Variants in DLG2 observed in about 807,000 individuals in gnomAD.
The protein encoded by DLG2 is discs large MAGUK scaffold protein 2, also known as disks large homolog 2.
In DLG2, 45 loss-of-function variants were observed where a neutral mutation model predicts 132.5. That is an observed-to-expected ratio of 0.34 (90% CI 0.27 to 0.44). The LOEUF is 0.44. Among genes scored for constraint, DLG2 ranks in the 20% least tolerant of loss-of-function variants. DLG2 has a pLI of 1.00. For synonymous variants in DLG2, 424 were observed against 419.6 expected (o/e 1.01, Z -0.13); for missense variants, 1,045 against 1,196.9 (o/e 0.87, Z 1.87).
chr11:84,223,701 C>T (rs575555483), intron 8 of DLG2, among the ~76,000 whole-genome samples: 2 of 152,120 alleles, frequency 1.3e-5, no homozygotes, highest in South Asian at 2.1e-4. Context: ...GGACTACAGG[C>T]GCATGTCACC....
chr11:85,231,478 C>A (rs888959495), intron 4 of DLG2, among the ~76,000 whole-genome samples: 1 of 151,946 alleles, frequency 6.6e-6, no homozygotes, highest in African/African-American at 2.4e-5. Flanking sequence ...TTTTCCTTTA[C>A]ATTATTAAAC....
rs2099212857 is a variant in DLG2, at chr11:84,502,222, CCTTCCTTCCTTCCTTCCTTCCTTCCT to C, written c.519+32322_519+32347del. Among the ~76,000 whole-genome samples the C allele has an allele frequency of 3.1e-4, 4 of 12,816 alleles. 1 individual carries two copies. The highest frequency in any genetic ancestry group is 5.7e-4 in the Non-Finnish European group (4 of 7,032). 8.4% of individuals were successfully genotyped at this position (12,816 alleles called of 152,430 possible). ...TCTCTCCTTCCTTCCTTCCTTCCTT[CCTTCCTTCCTTCCTTCCTTCCTTCCT>C]TCCTTCCTTCCTTCCTTCCTTCCTT... On this transcript the variant is annotated intron_variant, in intron 7 of 27. Transcript: ENST00000376104.
intron 3 of DLG2, among the ~76,000 whole-genome samples, chr11:85,484,253 C>T (rs1397753649): frequency 1.3e-5 from 2 of 149,996 alleles, no homozygotes; most frequent in African/African-American, 4.9e-5. Flanking sequence ...GCCCCTCCTC[C>T]TCCTCCCTAG....
intron 3 of DLG2, among the ~76,000 whole-genome samples, chr11:85,457,484 C>T (rs985099975): frequency 6.6e-6 from 1 of 152,122 alleles, no homozygotes; most frequent in Admixed American, 6.6e-5. Flanking sequence ...GTCATCATAT[C>T]GTTAGCTGGT....
intron 19 of DLG2, among the ~76,000 whole-genome samples, chr11:83,553,565 A>G (rs1016345993): frequency 4.7e-5 from 7 of 149,090 alleles, no homozygotes; most frequent in Non-Finnish European, 7.4e-5. Context: ...ACATATTGTA[A>G]GTCACTTGGA....
chr11:85,549,891 A>G (rs1171797189), intron 3 of DLG2, among the ~76,000 whole-genome samples: 2 of 152,206 alleles, frequency 1.3e-5, no homozygotes, highest in Admixed American at 1.3e-4. Context: ...ACAGTCTAAA[A>G]AAGGGAGGAA....
intron 11 of DLG2, among the ~76,000 whole-genome samples, chr11:84,011,401 G>A (rs557308759): frequency 6.6e-6 from 1 of 152,172 alleles, no homozygotes; most frequent in Admixed American, 6.6e-5. Context: ...AGCCTGGGAG[G>A]TAAAAGCTGC....
intron 6 of DLG2, among the ~76,000 whole-genome samples, chr11:84,564,781 G>A (rs1416536594): frequency 6.6e-6 from 1 of 152,164 alleles, no homozygotes; most frequent in East Asian, 1.9e-4. Flanking sequence ...GTGCCTGGCT[G>A]CTGCCACCTG....
chr11:85,383,862 C>T (rs1596724247), intron 3 of DLG2, among the ~76,000 whole-genome samples: 1 of 152,128 alleles, frequency 6.6e-6, no homozygotes, highest in African/African-American at 2.4e-5. Context: ...AAGTTAGATC[C>T]TTTCTGTGCC....
In DLG2 at chr11:84,923,246, T is replaced by C. The variant is rs1013904262; in HGVS notation, c.357+188415A>G. ...CTCTGTCAGTTTGAAAATGCATTGATCTCTGTTTTCTCTGACTACAAAACG... is the reference window on the plus strand; with the variant it reads ...CTCTGTCAGTTTGAAAATGCATTGACCTCTGTTTTCTCTGACTACAAAACG... On this transcript the variant is annotated intron_variant, in intron 6 of 27. Coordinates refer to ENST00000376104, the MANE Select transcript of DLG2 (RefSeq NM_001142699.3). The C allele has an allele frequency of 2.6e-5, 39 of 1,516,638 alleles. No homozygotes were observed. In the African/African-American group the frequency reaches 5.2e-4, roughly 20 times the overall value. The allele number at this position is 1,516,638 out of a possible 1,614,324, so 93.9% of individuals were successfully genotyped here.
intron 7 of DLG2, among the ~76,000 whole-genome samples, chr11:84,307,538 T>C (rs1477974317): frequency 6.6e-6 from 1 of 151,654 alleles, no homozygotes; most frequent in Non-Finnish European, 1.5e-5. Context: ...CTACTAAAAC[T>C]ACAAAAAATT....
chr11:85,519,055 T>G (rs1249270273), intron 3 of DLG2, among the ~76,000 whole-genome samples: 3 of 151,652 alleles, frequency 2.0e-5, no homozygotes, highest in Admixed American at 6.6e-5. Flanking sequence ...AGACAGAAGT[T>G]TGCTGTGGGG....
intron 5 of DLG2, among the ~76,000 whole-genome samples, chr11:85,152,611 C>T (rs897717582): frequency 6.6e-6 from 1 of 152,190 alleles, no homozygotes; most frequent in African/African-American, 2.4e-5. Context: ...TCTAATCAGT[C>T]TCTCACTTTA....
intron 6 of DLG2, among the ~76,000 whole-genome samples, chr11:84,982,453 C>T (rs1435365668): frequency 6.6e-6 from 1 of 152,036 alleles, no homozygotes; most frequent in Non-Finnish European, 1.5e-5. Context: ...CCTTAAAACC[C>T]CATGCCCCAT....
At chr11:85,616,939 A>C (rs993191304) in intron 2 of DLG2, among the ~76,000 whole-genome samples, 2 of 152,214 alleles carry the variant, frequency 1.3e-5, no homozygotes, top group Admixed American at 1.3e-4. Context: ...ACAACAACTC[A>C]TATGTCAGAA....
chr11:84,038,973 A>G (rs897047247), intron 11 of DLG2, among the ~76,000 whole-genome samples: 1 of 152,094 alleles, frequency 6.6e-6, no homozygotes, highest in Non-Finnish European at 1.5e-5. Context: ...ATTACCTCCC[A>G]CCAGGCCCCT....
intron 15 of DLG2, among the ~76,000 whole-genome samples, chr11:83,928,887 C>G (rs2079560357): frequency 6.6e-6 from 1 of 152,138 alleles, no homozygotes; most frequent in African/African-American, 2.4e-5. Flanking sequence ...TACATAATTA[C>G]TAGCAAGTCA....
chr11:85,402,095 T>A (rs1296878528), intron 3 of DLG2, among the ~76,000 whole-genome samples: 1 of 152,114 alleles, frequency 6.6e-6, no homozygotes, highest in Non-Finnish European at 1.5e-5. Flanking sequence ...CAAACTATAC[T>A]ACAAGGCTAC....
In DLG2 at chr11:85,293,322, C is replaced by T. The variant is rs148453503; in HGVS notation, c.41-7957G>A. On this transcript the variant is annotated intron_variant, in intron 3 of 27. Transcript: ENST00000376104. Reference sequence around the variant, plus strand: ...TTACGCCTGTAATCTCTTTGGGAGGCGAACGCAGGAGATAGGAGCAACAGT... The same window carrying T: ...TTACGCCTGTAATCTCTTTGGGAGGTGAACGCAGGAGATAGGAGCAACAGT... Among the ~76,000 whole-genome samples, 323 of 151,990 alleles carry T rather than the reference C, an allele frequency of 2.1e-3. 1 individual carries two copies. The highest frequency in any genetic ancestry group is 7.6e-3 in the African/African-American group (316 of 41,458).
Sources: gnomAD v4.1 joint callset for allele counts (sites outside exome capture counted in the v4.1 genomes callset) on GRCh38, gnomAD v4.1.1 for gene constraint, MANE v1.5 for transcripts, NCBI Gene and HGNC (gene_info 2026-07-23, HGNC 2026-07-21) for gene names.